The following XPO7 variants were observed in gnomAD, a reference collection of about 807,000 sequenced individuals.
XPO7 encodes the protein exportin-7.
Under a neutral mutation model 144.3 loss-of-function variants are expected in XPO7, and 21 were observed. That is an observed-to-expected ratio of 0.15 (90% CI 0.10 to 0.21). The LOEUF (loss-of-function observed/expected upper bound fraction) is 0.21, where lower values mean the gene tolerates loss of function less well. Ranked by LOEUF, XPO7 falls within the 10% of genes least tolerant of loss-of-function variation. XPO7 has a pLI of 1.00. For synonymous variants in XPO7, 580 were observed against 499.6 expected, an observed-to-expected ratio of 1.16 and a Z score of -2.15; for missense variants, 808 against 1,325.8, an observed-to-expected ratio of 0.61 and a Z score of 6.06.
intron 1 of XPO7, among the ~76,000 whole-genome samples, chr8:21,921,163 T>C (rs1398712406): frequency 1.3e-5 from 2 of 152,198 alleles, no homozygotes; most frequent in African/African-American, 4.8e-5. Context: ...ATAATAATAA[T>C]AGTATAGCAC....
intron 19 of XPO7, among the ~76,000 whole-genome samples, chr8:21,992,754 C>G (rs1016548561): frequency 6.6e-6 from 1 of 152,166 alleles, no homozygotes; most frequent in African/African-American, 2.4e-5. Flanking sequence ...TGTTTTCTAG[C>G]TCTTAGAATT....
At chr8:21,995,144 T>C (rs980305601) in intron 20 of XPO7, among the ~76,000 whole-genome samples, 5 of 152,120 alleles carry the variant, frequency 3.3e-5, no homozygotes, top group African/African-American at 1.2e-4. Flanking sequence ...TTGTGAAGAT[T>C]ATTTCAAATC....
At position 21,984,790 on chromosome 8, in the gene XPO7, G is replaced by A. The variant is rs756993966; in HGVS notation, c.1422G>A (p.Glu474=). The change falls in exon 12 of 28, where the codon GAG becomes GAA. Residue 474 remains glutamate, a synonymous_variant. Coordinates refer to ENST00000252512, the MANE Select transcript of XPO7 (RefSeq NM_015024.5). ...ACCAGTCGGCCCAGTCGTACCAGGA[G>A]CTGCTACAGAGCGCCAGCGCAAGCC... ...LFDQSAQSYQ[E]LLQSASASPM... 6.2e-7 allele frequency: 1 copy of A among 1,614,008 alleles called. No individual in the cohort carries two copies. The highest frequency in any genetic ancestry group is 8.5e-7 in the Non-Finnish European group (1 of 1,179,900).
intron 2 of XPO7, among the ~76,000 whole-genome samples, chr8:21,968,379 C>T (rs976144521): frequency 2.6e-5 from 4 of 151,984 alleles, no homozygotes; most frequent in Admixed American, 6.6e-5. Context: ...TGAAATTATC[C>T]GTTAGTAGCT....
chr8:21,927,077 G>A (rs1377140099), intron 1 of XPO7, among the ~76,000 whole-genome samples: 1 of 152,108 alleles, frequency 6.6e-6, no homozygotes, highest in Non-Finnish European at 1.5e-5. Context: ...AATTGAACCT[G>A]AGCAACAGGG....
chr8:21,984,632 T>C lies in XPO7; in HGVS notation c.1278-14T>C, dbSNP rs1240219503. ...ATTTTAAGAGAGCTGCCTTCCTTCT[T>C]CCCTTGGGAATAGAGATGGCCTGGA... On this transcript the variant is annotated splice_polypyrimidine_tract_variant and intron_variant, in intron 11 of 27. Coordinates refer to ENST00000252512, the MANE Select transcript of XPO7 (RefSeq NM_015024.5). 2 of 1,600,530 alleles carry C rather than the reference T, an allele frequency of 1.2e-6. No homozygotes were observed. The highest frequency in any genetic ancestry group is 2.7e-5 in the African/African-American group (2 of 74,740).
At position 21,975,534 on chromosome 8, in the gene XPO7, C is replaced by T. The variant is rs147460382; in HGVS notation, c.597+760C>T. Among the ~76,000 whole-genome samples the T allele has an allele frequency of 8.5e-4, 129 of 152,314 alleles. 1 individual carries two copies. Among genetic ancestry groups the T allele is most frequent in the African/African-American group, 2.9e-3 (120 of 41,570 alleles). ...TTGTGGTTTTGTTCTTATTTTCCAA[C>T]ATTTCCCAATTTTAGTTTTGGAAGC... On this transcript the variant is annotated intron_variant, in intron 6 of 27. Transcript: ENST00000252512.
chr8:21,920,860 C>T (rs1015938941), intron 1 of XPO7, among the ~76,000 whole-genome samples: 1 of 152,156 alleles, frequency 6.6e-6, no homozygotes, highest in Non-Finnish European at 1.5e-5. Context: ...TATTCTGTGG[C>T]ATCATTCCTC....
At chr8:21,945,722 T>C (rs1439621075) in intron 1 of XPO7, among the ~76,000 whole-genome samples, 2 of 152,256 alleles carry the variant, frequency 1.3e-5, no homozygotes, top group African/African-American at 4.8e-5. Flanking sequence ...TCCTTTTGTA[T>C]GGCAAACCAA....
chr8:21,930,297 A>G (rs1199634542), intron 1 of XPO7, among the ~76,000 whole-genome samples: 2 of 152,224 alleles, frequency 1.3e-5, no homozygotes, highest in Non-Finnish European at 2.9e-5. Flanking sequence ...TTGTTTGATC[A>G]TGTACTGTGT....
chr8:21,968,870 G>C (rs1448687160), intron 2 of XPO7, among the ~76,000 whole-genome samples: 1 of 152,190 alleles, frequency 6.6e-6, no homozygotes, highest in African/African-American at 2.4e-5. Context: ...CCACATTTGA[G>C]AATGTGATAA....
chr8:21,998,829 C>T lies in XPO7; in HGVS notation c.2420C>T (p.Thr807Ile). 1.2e-6 allele frequency: 2 copies of T among 1,613,932 alleles called. No homozygotes were observed. The highest frequency in any genetic ancestry group is 2.2e-5 in the East Asian group (1 of 44,884). The change falls in exon 22 of 28, where the codon ACA becomes ATA. Residue 807 changes from threonine (T) to isoleucine (I), a missense_variant. Physicochemically the swap from Thr to Ile is moderately conservative, Grantham distance 89 (BLOSUM62 -1). This residue lies in a region of XPO7 where 416 missense variants were observed against 612.5 expected (regional missense o/e 0.68). Coordinates refer to ENST00000252512, the MANE Select transcript of XPO7 (RefSeq NM_015024.5). ...LLFRETSKMI[T>I]MYGNRILTLG... The stretch of plus-strand genomic sequence containing the variant: ...TTCCGAGAAACCAGCAAGATGATAA[C>T]AATGTATGGTAAGTGCTTCAGATAA...
intron 1 of XPO7, among the ~76,000 whole-genome samples, chr8:21,943,408 A>G (rs570607754): frequency 1.3e-5 from 2 of 152,348 alleles, no homozygotes; most frequent in Middle Eastern, 6.8e-3. Flanking sequence ...GTTTTAAAAT[A>G]TTCTAATTCA....
chr8:21,936,155 C>T (rs1011421839), intron 1 of XPO7, among the ~76,000 whole-genome samples: 1 of 152,106 alleles, frequency 6.6e-6, no homozygotes, highest in African/African-American at 2.4e-5. Context: ...CTAAAATTGC[C>T]TGGGACCACT....
rs757248183 is a variant in XPO7, at chr8:22,005,100, A to ACT, written c.*15_*16dup. 6.2e-7 allele frequency: 1 copy of ACT among 1,610,438 alleles called. No homozygotes were observed. Among genetic ancestry groups the ACT allele is most frequent in the Admixed American group, 1.7e-5 (1 of 59,856 alleles). On this transcript the variant is annotated 3_prime_UTR_variant, in exon 28 of 28. Transcript: ENST00000252512. ...ACATGATGAGCTGACACCTCCTTGG[A>ACT]CTCTACCTGTACAGAGCAGCGTCCC...
chr8:21,964,760 C>G (rs1362153932), intron 1 of XPO7, among the ~76,000 whole-genome samples: 1 of 152,148 alleles, frequency 6.6e-6, no homozygotes, highest in Non-Finnish European at 1.5e-5. Context: ...TAAAGCAAAT[C>G]AAAACAAAAC....
chr8:21,999,406 C>A, intron 23 of XPO7, 101 bp downstream of exon 23: 1 of 1,572,566 alleles, frequency 6.4e-7, no homozygotes, highest in Non-Finnish European at 8.7e-7. Flanking sequence ...ACTATGTAAG[C>A]TAGCTCCTTT....
At chr8:21,972,735 C>G (rs1812107320) in intron 5 of XPO7, among the ~76,000 whole-genome samples, 1 of 152,150 alleles carries the variant, frequency 6.6e-6, no homozygotes, top group South Asian at 2.1e-4. Flanking sequence ...GCTATAACAT[C>G]TCACCCTTAA....
intron 1 of XPO7, among the ~76,000 whole-genome samples, chr8:21,950,074 G>C (rs1272121490): frequency 6.6e-6 from 1 of 152,168 alleles, no homozygotes; most frequent in East Asian, 1.9e-4. Flanking sequence ...TCAGTCTCTT[G>C]CTCTCAGGTA....
Sources: gnomAD v4.1 joint callset for allele counts (sites outside exome capture counted in the v4.1 genomes callset) on GRCh38, gnomAD v4.1.1 for gene constraint, gnomAD v4.1.1 regional missense constraint, MANE v1.5 for transcripts, NCBI Gene and HGNC (gene_info 2026-07-23, HGNC 2026-07-21) for gene names.